The following ELP4 variants were observed in gnomAD, a reference collection of about 807,000 sequenced individuals.
ELP4 encodes elongator complex protein 4.
Under a neutral mutation model 48.9 loss-of-function variants are expected in ELP4, and 51 were observed. The ratio of observed to expected loss-of-function variants is 1.04; its 90% CI spans 0.83 to 1.32. The LOEUF (loss-of-function observed/expected upper bound fraction) is 1.32. ELP4 is among the 40% of genes most tolerant of loss of function. ELP4 has a pLI of 0.00. For missense variants in ELP4, 519 were observed against 514.6 expected, an observed-to-expected ratio of 1.01 and a Z score of -0.08; for synonymous variants, 210 against 189.2, an observed-to-expected ratio of 1.11 and a Z score of -0.90.
Position 31,553,725 on chromosome 11 carries a change from A to AACACACACACACACAC in ELP4, c.381+13967_381+13982dup, listed in dbSNP as rs56921821. 1.6e-3 allele frequency among the ~76,000 whole-genome samples: 222 copies of AACACACACACACACAC among 140,492 alleles called. 2 individuals are homozygous for AACACACACACACACAC. The highest frequency in any genetic ancestry group is 5.1e-3 in the African/African-American group (193 of 37,526). The allele number at this position is 140,492 out of a possible 152,430, so 92.2% of individuals were successfully genotyped here. Reference sequence around the variant, plus strand: ...TACAATAAATCTCTTTGCACACACAAACACACACACACACACACACACACA... The same window carrying AACACACACACACACAC: ...TACAATAAATCTCTTTGCACACACAAACACACACACACACACACACACACACACACACACACACACA... On this transcript the variant is annotated intron_variant, in intron 3 of 9. Coordinates refer to ENST00000640961, the MANE Select transcript of ELP4 (RefSeq NM_019040.5).
intron 2 of ELP4, among the ~76,000 whole-genome samples, chr11:31,536,136 C>G (rs1352633787): frequency 2.0e-5 from 3 of 151,914 alleles, no homozygotes; most frequent in Non-Finnish European, 4.4e-5. Context: ...AGGAATATAT[C>G]ATTTGTTTTC....
chr11:31,591,530 G>A (rs1314630951), intron 3 of ELP4, among the ~76,000 whole-genome samples: 1 of 151,528 alleles, frequency 6.6e-6, no homozygotes, highest in Non-Finnish European at 1.5e-5. Flanking sequence ...TTAGGAAAAT[G>A]CAAATCCAAA....
At chr11:31,776,576 T>C (rs931750954) in intron 9 of ELP4, among the ~76,000 whole-genome samples, 2 of 152,228 alleles carry the variant, frequency 1.3e-5, no homozygotes, top group South Asian at 2.1e-4. Context: ...AATCACACTT[T>C]TGTTTAGACA....
intron 9 of ELP4, among the ~76,000 whole-genome samples, chr11:31,781,864 A>C (rs1948385401): frequency 6.6e-6 from 1 of 152,216 alleles, no homozygotes. Flanking sequence ...GAGCATAAAG[A>C]AATGAAAGAA....
chr11:31,605,996 G>A (rs1023313421), intron 5 of ELP4, among the ~76,000 whole-genome samples: 1 of 151,682 alleles, frequency 6.6e-6, no homozygotes, highest in Non-Finnish European at 1.5e-5. Context: ...ACCCACCAAC[G>A]TAGGTGCCAG....
intron 2 of ELP4, among the ~76,000 whole-genome samples, chr11:31,523,671 C>A (rs920106694): frequency 6.6e-6 from 1 of 151,932 alleles, no homozygotes; most frequent in East Asian, 1.9e-4. Context: ...AACTAAGGGA[C>A]CCCACTGTGT....
chr11:31,525,710 T>G (rs1956285440), intron 2 of ELP4, among the ~76,000 whole-genome samples: 1 of 152,156 alleles, frequency 6.6e-6, no homozygotes, highest in Non-Finnish European at 1.5e-5. Flanking sequence ...TTAAGGACCC[T>G]TATACCAGTC....
intron 9 of ELP4, among the ~76,000 whole-genome samples, chr11:31,766,027 T>G (rs1367072874): frequency 6.6e-6 from 1 of 152,062 alleles, no homozygotes; most frequent in Non-Finnish European, 1.5e-5. Flanking sequence ...ACAGAGTAGT[T>G]TATAAACTGT....
chr11:31,734,922 C>T (rs1190967425), intron 9 of ELP4, among the ~76,000 whole-genome samples: 1 of 152,032 alleles, frequency 6.6e-6, no homozygotes, highest in African/African-American at 2.4e-5. Flanking sequence ...GAAAGAAGAA[C>T]AAAGCTGGAG....
At chr11:31,719,715 A>G (rs1055860070) in intron 9 of ELP4, 11 of 360,880 alleles carry the variant, frequency 3.0e-5, no homozygotes, top group Admixed American at 9.2e-5. Context: ...AAAAACAACC[A>G]TAAACAAATA....
intron 9 of ELP4, among the ~76,000 whole-genome samples, chr11:31,762,729 T>C (rs1947968118): frequency 6.6e-6 from 1 of 151,702 alleles, no homozygotes; most frequent in Non-Finnish European, 1.5e-5. Context: ...TTTTATATAT[T>C]AATTTGCCAT....
At chr11:31,670,773 T>C (rs1945791095) in intron 9 of ELP4, among the ~76,000 whole-genome samples, 1 of 152,068 alleles carries the variant, frequency 6.6e-6, no homozygotes, top group Non-Finnish European at 1.5e-5. Flanking sequence ...TTTATATTTT[T>C]TAGAAAAGTA....
At chr11:31,706,573 T>C (rs1361287950) in intron 9 of ELP4, among the ~76,000 whole-genome samples, 6 of 147,974 alleles carry the variant, frequency 4.1e-5, no homozygotes, top group Non-Finnish European at 7.5e-5. Context: ...TTAATATAAT[T>C]AATAATTAAT....
At chr11:31,746,183 A>G (rs1284804855) in intron 9 of ELP4, among the ~76,000 whole-genome samples, 6 of 152,234 alleles carry the variant, frequency 3.9e-5, no homozygotes, top group African/African-American at 1.2e-4. Context: ...CAAAACCACA[A>G]TGAGATACCA....
At chr11:31,774,555 A>G (rs1948207866) in intron 9 of ELP4, among the ~76,000 whole-genome samples, 1 of 152,180 alleles carries the variant, frequency 6.6e-6, no homozygotes, top group South Asian at 2.1e-4. Flanking sequence ...TCTTTTATAA[A>G]TGAATTTGCT....
At chr11:31,670,633 T>C (rs1294309475) in intron 9 of ELP4, among the ~76,000 whole-genome samples, 1 of 152,136 alleles carries the variant, frequency 6.6e-6, no homozygotes, top group Non-Finnish European at 1.5e-5. Context: ...ATTGTGATTC[T>C]GTCTCCATGA....
intron 4 of ELP4, among the ~76,000 whole-genome samples, chr11:31,598,329 T>C (rs1479132220): frequency 6.6e-6 from 1 of 152,056 alleles, no homozygotes; most frequent in African/African-American, 2.4e-5. Flanking sequence ...TAAAAATACA[T>C]TGTTTTTTAT....
chr11:31,743,359 A>G (rs1947502622), intron 9 of ELP4, among the ~76,000 whole-genome samples: 2 of 152,194 alleles, frequency 1.3e-5, no homozygotes, highest in Non-Finnish European at 2.9e-5. Flanking sequence ...GTTAACAAGG[A>G]TACCCAGGAA....
In ELP4 at chr11:31,623,542, A is replaced by G. The variant is rs371283386; in HGVS notation, c.654-3568A>G. Among the ~76,000 whole-genome samples the G allele has an allele frequency of 2.6e-4, 39 of 149,884 alleles. No individual in the cohort carries two copies. The East Asian group carries it at 7.0e-3, about 27-fold the overall frequency. On this transcript the variant is annotated intron_variant, in intron 5 of 9. Transcript: ENST00000640961. Reference sequence around the variant, plus strand: ...CAATTGATAATACCTAAATGTATTGATTTATTGCATTTTATTTTGTTACCA... The same window carrying G: ...CAATTGATAATACCTAAATGTATTGGTTTATTGCATTTTATTTTGTTACCA...
Sources: allele counts gnomAD v4.1 joint callset (sites outside exome capture counted in the v4.1 genomes callset), GRCh38; gene constraint gnomAD v4.1.1; transcripts MANE v1.5; gene names NCBI Gene and HGNC (gene_info 2026-07-23, HGNC 2026-07-21).